The following OCA2 variants were observed in gnomAD, a reference collection of about 807,000 sequenced individuals.
The protein encoded by OCA2 is OCA2 melanosomal transmembrane protein, also known as P protein.
OCA2 carries 77 observed loss-of-function variants against 100.2 expected under a neutral mutation model. That is an observed-to-expected ratio of 0.77 (90% CI 0.64 to 0.93). The LOEUF (loss-of-function observed/expected upper bound fraction) is 0.93. Ranked by LOEUF, OCA2 falls within the 40% of genes least tolerant of loss-of-function variation. The pLI, the probability that OCA2 is intolerant of heterozygous loss-of-function variation, is 0.00. For missense variants in OCA2, 1,062 were observed against 1,089.1 expected (o/e 0.98, Z 0.35); for synonymous variants, 432 against 439.2 (o/e 0.98, Z 0.21).
At chr15:27,931,649 T>TAA (rs906096567) in intron 18 of OCA2, among the ~76,000 whole-genome samples, 1 of 70,642 alleles carries the variant, frequency 1.4e-5, no homozygotes, top group African/African-American at 6.6e-5. Context: ...ACCTTGCATT[T>TAA]AAAAAAAAAA....
chr15:28,038,817 T>G (rs1277211354), intron 2 of OCA2, among the ~76,000 whole-genome samples: 1 of 152,118 alleles, frequency 6.6e-6, no homozygotes, highest in African/African-American at 2.4e-5. Context: ...GATAAATAAC[T>G]AAACAAAATC....
chr15:27,969,722 C>T (rs1211674172), intron 14 of OCA2, among the ~76,000 whole-genome samples: 1 of 152,126 alleles, frequency 6.6e-6, no homozygotes, highest in East Asian at 1.9e-4. Flanking sequence ...CAGATCAGAA[C>T]ATTCCCAGAT....
At chr15:27,849,469 T>C (rs1441660680) in intron 22 of OCA2, among the ~76,000 whole-genome samples, 1 of 151,826 alleles carries the variant, frequency 6.6e-6, no homozygotes, top group Non-Finnish European at 1.5e-5. Context: ...CAGGTTTTTC[T>C]GAAGGCTTAT....
chr15:27,956,887 G>A (rs1427406807), intron 16 of OCA2, among the ~76,000 whole-genome samples: 1 of 152,204 alleles, frequency 6.6e-6, no homozygotes. Flanking sequence ...AATGGCAACA[G>A]GCAAGACCAT....
At chr15:27,833,909 C>T (rs2035053369) in intron 23 of OCA2, among the ~76,000 whole-genome samples, 1 of 152,188 alleles carries the variant, frequency 6.6e-6, no homozygotes, top group Non-Finnish European at 1.5e-5. Flanking sequence ...AACGCAGGCA[C>T]CTCGAGGGCC....
intron 23 of OCA2, among the ~76,000 whole-genome samples, chr15:27,814,843 G>A (rs970565928): frequency 6.6e-6 from 1 of 151,798 alleles, no homozygotes; most frequent in Admixed American, 6.6e-5. Flanking sequence ...AGATTGTGCC[G>A]CTACACTCCA....
chr15:27,724,314 C>A, the OCA2 span, among the ~76,000 whole-genome samples: 2 of 152,092 alleles, frequency 1.3e-5, no homozygotes, highest in Admixed American at 1.3e-4. Flanking sequence ...TAGCCCCGGG[C>A]CTCTCCCTTT....
Position 28,005,456 on chromosome 15 carries a change from C to T in OCA2, c.1044+9320G>A, listed in dbSNP as rs1416771246. 2.6e-5 allele frequency among the ~76,000 whole-genome samples: 4 copies of T among 152,190 alleles called. No individual in the cohort carries two copies. The East Asian group carries it at 7.7e-4, about 29-fold the overall frequency. ...GGTAAGACATCCAGCAGGTGCGCTA[C>T]ATCCTACATCGAGGCGTCGCAGGAA... is the stretch of plus-strand genomic sequence containing the variant. On this transcript the variant is annotated intron_variant, in intron 9 of 23. Transcript: ENST00000354638.
chr15:28,004,575 C>A (rs1054839764), intron 9 of OCA2, among the ~76,000 whole-genome samples: 2 of 151,952 alleles, frequency 1.3e-5, no homozygotes, highest in African/African-American at 4.8e-5. Flanking sequence ...CACAGTCTCA[C>A]ACTCACACAC....
rs890411128 is a variant in OCA2, at chr15:27,886,505, A to G, written c.2080-14583T>C. Among the ~76,000 whole-genome samples, 6 of 152,200 alleles carry G rather than the reference A, an allele frequency of 3.9e-5. No homozygotes were observed. The South Asian group carries it at 1.2e-3, about 31-fold the overall frequency. On this transcript the variant is annotated intron_variant, in intron 19 of 23. Transcript: ENST00000354638. ...ATGATTTAGTATATTTTTAAGCCAA[A>G]AATTAAGAGAATGCAACTATTATTT... is the stretch of plus-strand genomic sequence containing the variant.
the OCA2 span, among the ~76,000 whole-genome samples, chr15:27,738,466 T>C: frequency 6.6e-6 from 1 of 152,196 alleles, no homozygotes; most frequent in Non-Finnish European, 1.5e-5. Flanking sequence ...CCGGGCGCGG[T>C]GGCTCATGCC....
intron 18 of OCA2, 63 bp downstream of exon 18, chr15:27,951,721 G>A: frequency 8.4e-7 from 1 of 1,186,208 alleles, no homozygotes; most frequent in Non-Finnish European, 1.3e-6. Context: ...CTGGGAACAG[G>A]CTCTGAAACC....
At chr15:27,762,193 C>T (rs2030894211) in intron 23 of OCA2, among the ~76,000 whole-genome samples, 1 of 152,100 alleles carries the variant, frequency 6.6e-6, no homozygotes, top group South Asian at 2.1e-4. Context: ...CTCCCACCCT[C>T]CCATCTTTCT....
At chr15:27,866,203 C>T (rs913522822) in intron 21 of OCA2, among the ~76,000 whole-genome samples, 2 of 152,208 alleles carry the variant, frequency 1.3e-5, no homozygotes, top group African/African-American at 4.8e-5. Flanking sequence ...GTTGGTGTGG[C>T]TGGCTCCCAG....
intron 12 of OCA2, among the ~76,000 whole-genome samples, chr15:27,985,461 A>G (rs1453900092): frequency 1.3e-5 from 2 of 152,136 alleles, no homozygotes; most frequent in African/African-American, 2.4e-5. Flanking sequence ...TCACAAGGTG[A>G]TGACCCTCAG....
At chr15:28,016,311 AT>A in intron 7 of OCA2, 125 bp from the exon 8 acceptor site, 4 of 784,680 alleles carry the variant, frequency 5.1e-6, no homozygotes, top group Non-Finnish European at 8.9e-6. Context: ...ACAGGAGAGC[AT>A]CTTTATTTGA....
chr15:28,002,627 T>C (rs1214622316), intron 9 of OCA2, among the ~76,000 whole-genome samples: 1 of 152,096 alleles, frequency 6.6e-6, no homozygotes, highest in Non-Finnish European at 1.5e-5. Context: ...GGTTCCTGTG[T>C]TCCCAATCAT....
At chr15:27,955,467 G>A (rs1450915672) in intron 16 of OCA2, among the ~76,000 whole-genome samples, 1 of 152,188 alleles carries the variant, frequency 6.6e-6, no homozygotes, top group Non-Finnish European at 1.5e-5. Flanking sequence ...ACATGTGACA[G>A]CTTGCGCAGG....
At chr15:28,022,678 T>C (rs1595840145) in intron 5 of OCA2, 105 bp from the exon 6 acceptor site, 2 of 810,798 alleles carry the variant, frequency 2.5e-6, no homozygotes, top group Non-Finnish European at 4.3e-6. Context: ...GGGGCTACTG[T>C]GTGCATCCAG....
Sources: allele counts gnomAD v4.1 joint callset (sites outside exome capture counted in the v4.1 genomes callset), GRCh38; gene constraint gnomAD v4.1.1; transcripts MANE v1.5; gene names NCBI Gene and HGNC (gene_info 2026-07-23, HGNC 2026-07-21).